Variants in ADCY6 observed in about 807,000 individuals in gnomAD.
ADCY6 encodes the protein adenylate cyclase 6.
In ADCY6, 59 loss-of-function variants were observed where a neutral mutation model predicts 111.6. That is an observed-to-expected ratio of 0.53 (90% CI 0.43 to 0.66). The LOEUF is 0.66. Ranked by LOEUF, ADCY6 falls within the 30% of genes least tolerant of loss-of-function variation. The pLI is 0.00. For synonymous variants in ADCY6, 576 were observed against 642.9 expected, an observed-to-expected ratio of 0.90 and a Z score of 1.57; for missense variants, 1,242 against 1,595.6, an observed-to-expected ratio of 0.78 and a Z score of 3.78.
chr12:48,774,395 C>T lies in ADCY6; in HGVS notation c.2283+7G>A. ...CAGAGGTGGGAGAATTCCCACTGGA[C>T]CCTTACCATGTTGGCAATGGCAGAA... On this transcript the variant is annotated splice_region_variant and intron_variant, in intron 14 of 21. Transcript: ENST00000357869. The T allele has an allele frequency of 6.2e-7, 1 of 1,608,488 alleles. No homozygotes were observed. Among genetic ancestry groups the T allele is most frequent in the Non-Finnish European group, 8.5e-7 (1 of 1,175,000 alleles).
At chr12:48,780,784 C>T (rs1047949159) in intron 2 of ADCY6, among the ~76,000 whole-genome samples, 1 of 152,228 alleles carries the variant, frequency 6.6e-6, no homozygotes, top group Non-Finnish European at 1.5e-5. Flanking sequence ...TGAGAGCCAC[C>T]CTGGAAGAGA....
At chr12:48,773,283 C>T (rs1286732177) in intron 16 of ADCY6, among the ~76,000 whole-genome samples, 186 bp downstream of exon 16, 2 of 151,882 alleles carry the variant, frequency 1.3e-5, no homozygotes, top group Non-Finnish European at 2.9e-5. Context: ...TTTCCCAGGA[C>T]TAGGGTTTCC....
At chr12:48,779,838 G>A (rs1941797800) in intron 2 of ADCY6, among the ~76,000 whole-genome samples, 1 of 152,186 alleles carries the variant, frequency 6.6e-6, no homozygotes, top group African/African-American at 2.4e-5. Context: ...GCAAAATTGG[G>A]CAGGTCACTT....
In ADCY6 at chr12:48,778,024, GA is replaced by G. The variant is rs1941749222; in HGVS notation, c.1014+83del. ...GGGAACCATCACACTGTGCTGCACG[GA>G]ACTGGACAAGGCAGCAGATCCAATG... is the stretch of plus-strand genomic sequence containing the variant. On this transcript the variant is annotated intron_variant, in intron 3 of 21. Transcript: ENST00000357869. The G allele has an allele frequency of 3.3e-6, 5 of 1,517,018 alleles. No homozygotes were observed. The East Asian group carries it at 9.7e-5, about 30-fold the overall frequency. 94.0% of individuals were successfully genotyped at this position (1,517,018 alleles called of 1,614,324 possible). A position where few individuals can be genotyped will look rare whatever the true frequency, so the allele number is the denominator to read the frequency against.
chr12:48,771,725 G>A lies in ADCY6; in HGVS notation c.3036C>T (p.Ile1012=), dbSNP rs1227728057. The change falls in exon 19 of 22, where the codon ATC becomes ATT. Residue 1012 remains isoleucine (I), a synonymous_variant. Transcript: ENST00000357869. This position sits in a 1 kb window ranked among gnomAD's most constrained non-coding sequence, Gnocchi z 4.3. Reference sequence around the variant, plus strand: ...GGAAAAGTACCTCATCAAAGTCAGCGATGATCTCGTTGAGCAGCCGCAGGC... The same window carrying A: ...GGAAAAGTACCTCATCAAAGTCAGCAATGATCTCGTTGAGCAGCCGCAGGC... The part of the protein sequence containing the change: ...VECLRLLNEI[I]ADFDEIISEE... 2.5e-5 allele frequency: 40 copies of A among 1,613,962 alleles called. No homozygotes were observed. The highest frequency in any genetic ancestry group is 3.4e-5 in the Non-Finnish European group (40 of 1,180,046).
At position 48,777,415 on chromosome 12, in the gene ADCY6, C is replaced by A; in HGVS notation, c.1243G>T (p.Ala415Ser). 6.2e-7 allele frequency: 1 copy of A among 1,613,576 alleles called. No homozygotes were observed. Among genetic ancestry groups the A allele is most frequent in the South Asian group, 1.1e-5 (1 of 91,078 alleles). The change falls in exon 5 of 22, where the codon GCT (alanine) becomes TCT (serine). Residue 415 changes from alanine to serine, a missense_variant. This residue lies in a region of ADCY6 where 260 missense variants were observed against 414.6 expected (regional missense o/e 0.63). Transcript: ENST00000357869. This position sits in a 1 kb window ranked among gnomAD's most constrained non-coding sequence, Gnocchi z 4.9. ...CCAAGGCCCAGCACCCTCACCGCAG[C>A]CAGCTTGTCAAACCGGGCAAAGAGC... is the stretch of plus-strand genomic sequence containing the variant. ...NELFARFDKL[A>S]AENHCLRIKI...
intron 12 of ADCY6, 44 bp from the exon 13 acceptor site, chr12:48,774,822 T>A (rs377431968): frequency 3.8e-6 from 6 of 1,588,586 alleles, no homozygotes; most frequent in Non-Finnish European, 4.3e-6. Context: ...TTCTGGAAGA[T>A]CTGGGCATTC....
In ADCY6 at chr12:48,777,770, C is replaced by A. The variant is rs549643743; in HGVS notation, c.1015-34G>T. On this transcript the variant is annotated intron_variant, in intron 3 of 21. Transcript: ENST00000357869. The surrounding 1 kb of genome is among the most constrained non-coding windows in gnomAD (Gnocchi z 4.9). ...GTGGTTCCAATAGGGCATCACTATA[C>A]TCTTGGTCTCACATTGCAATCCCTC... 8 of 1,611,380 alleles carry A rather than the reference C, an allele frequency of 5.0e-6. No individual in the cohort carries two copies. The highest frequency in any genetic ancestry group is 3.3e-4 in the Middle Eastern group (2 of 6,056).
At chr12:48,779,327 G>A (rs1441280560) in intron 2 of ADCY6, among the ~76,000 whole-genome samples, 1 of 152,154 alleles carries the variant, frequency 6.6e-6, no homozygotes, top group Non-Finnish European at 1.5e-5. Flanking sequence ...TTGAACCCAG[G>A]ACAATCAGAT....
chr12:48,777,832 C>A lies in ADCY6; in HGVS notation c.1015-96G>T. On this transcript the variant is annotated intron_variant, in intron 3 of 21. Coordinates refer to ENST00000357869, the MANE Select transcript of ADCY6 (RefSeq NM_015270.5). This position sits in a 1 kb window ranked among gnomAD's most constrained non-coding sequence, Gnocchi z 4.9. The stretch of plus-strand genomic sequence containing the variant: ...ACATCGCCAGAGCCCTCCTAGACTT[C>A]TCTGAAGACCTGACCTTCCCTTCTG... 1 of 1,536,468 alleles carries A rather than the reference C, an allele frequency of 6.5e-7. No individual in the cohort carries two copies.
intron 1 of ADCY6, among the ~76,000 whole-genome samples, chr12:48,784,759 G>C (rs555524038): frequency 7.3e-6 from 1 of 136,226 alleles, no homozygotes; most frequent in Non-Finnish European, 1.5e-5. Flanking sequence ...TGCAAGCTCC[G>C]CCTCCCGGGT....
intron 20 of ADCY6, among the ~76,000 whole-genome samples, chr12:48,769,537 T>C (rs1263204383): frequency 1.3e-5 from 2 of 151,674 alleles, no homozygotes; most frequent in Non-Finnish European, 2.9e-5. Flanking sequence ...TGAATGCCTA[T>C]TCCATGTCAA....
chr12:48,782,529 C>A lies in ADCY6; in HGVS notation c.864+42G>T. ...CCACCTGCTTATGAGGTGAGAAATT[C>A]CCCACCTGCTGCCCTCCATCCCTAC... On this transcript the variant is annotated intron_variant, in intron 2 of 21. Coordinates refer to ENST00000357869, the MANE Select transcript of ADCY6 (RefSeq NM_015270.5). This position sits in a 1 kb window ranked among gnomAD's most constrained non-coding sequence, Gnocchi z 4.3. 6.4e-7 allele frequency: 1 copy of A among 1,568,370 alleles called. No individual in the cohort carries two copies. Among genetic ancestry groups the A allele is most frequent in the South Asian group, 1.2e-5 (1 of 81,684 alleles).
intron 1 of ADCY6, among the ~76,000 whole-genome samples, chr12:48,785,642 A>C (rs911137036): frequency 1.3e-5 from 2 of 152,070 alleles, no homozygotes; most frequent in African/African-American, 4.8e-5. Context: ...AATAATAATA[A>C]ATGTTCATTG....
chr12:48,778,257 G>A lies in ADCY6; in HGVS notation c.865C>T (p.Leu289Phe), dbSNP rs1363548943. 1 of 1,614,096 alleles carries A rather than the reference G, an allele frequency of 6.2e-7. No individual in the cohort carries two copies. Among genetic ancestry groups the A allele is most frequent in the South Asian group, 1.1e-5 (1 of 91,084 alleles). The change falls in exon 3 of 22, where the codon CTC becomes TTC. Residue 289 changes from leucine to phenylalanine, a missense_variant and splice_region_variant. This residue lies in a region of ADCY6 where 260 missense variants were observed against 414.6 expected (regional missense o/e 0.63). Transcript: ENST00000357869. ...AGGAACAGCAGCACATTGGCACCGA[G>A]CTGCAGGAGGTGGCAGAGGCAGACA... Reference protein sequence around the residue: ...NRGDAFLWKQLGANVLLFLCT... With the variant: ...NRGDAFLWKQFGANVLLFLCT...
Position 48,768,688 on chromosome 12 carries a change from G to A in ADCY6, c.3410C>T (p.Ala1137Val). The A allele has an allele frequency of 6.2e-7, 1 of 1,614,194 alleles. No homozygotes were observed. Among genetic ancestry groups the A allele is most frequent in the Non-Finnish European group, 8.5e-7 (1 of 1,180,022 alleles). The change falls in exon 22 of 22, where the codon GCT (alanine) becomes GTT (valine). Residue 1137 changes from alanine (A) to valine (V), a missense_variant. This residue lies in a region of ADCY6 where 245 missense variants were observed against 371.3 expected (regional missense o/e 0.66). Transcript: ENST00000357869. ...ACACTCCAGCTGGTAGCCCTTGGCA[G>A]CTAGAACCTGGTACAGGTCCGTGGT... ...QVTTDLYQVL[A>V]AKGYQLECRG... is the part of the protein sequence containing the mutation.
At position 48,782,836 on chromosome 12, in the gene ADCY6, C is replaced by A. The variant is rs770715651; in HGVS notation, c.599G>T (p.Arg200Leu). 1 of 1,613,964 alleles carries A rather than the reference C, an allele frequency of 6.2e-7. No individual in the cohort carries two copies. The highest frequency in any genetic ancestry group is 2.2e-5 in the East Asian group (1 of 44,900). The part of the protein sequence containing the change: ...LFVGLMVVCN[R>L]HSFRQDSMWV... ...CATGGAGTCCTGGCGGAAGCTATGC[C>A]GGTTACACACCACCATGAGCCCCAC... Residue 200 changes from arginine (R) to leucine (L), a missense_variant, in exon 2 of 22, where the codon CGG becomes CTG. Around this residue, in one of 4 missense-constraint regions of ADCY6, gnomAD observed 362 missense variants for 377.2 expected, o/e 0.96. Coordinates refer to ENST00000357869, the MANE Select transcript of ADCY6 (RefSeq NM_015270.5). The surrounding 1 kb of genome is among the most constrained non-coding windows in gnomAD (Gnocchi z 4.3).
In ADCY6 at chr12:48,771,643, C is replaced by T. The variant is rs775595042; in HGVS notation, c.3051+67G>A. The T allele has an allele frequency of 1.9e-6, 3 of 1,603,316 alleles. No individual in the cohort carries two copies. Among genetic ancestry groups the T allele is most frequent in the Non-Finnish European group, 1.7e-6 (2 of 1,175,832 alleles). ...CTCTCTCTCTTCCCAGTTCCACTCA[C>T]CCATTCCAATCCCTGGTCTCCAAGT... On this transcript the variant is annotated intron_variant, in intron 19 of 21. Transcript: ENST00000357869. The surrounding 1 kb of genome is among the most constrained non-coding windows in gnomAD (Gnocchi z 4.3).
At position 48,777,576 on chromosome 12, in the gene ADCY6, C is replaced by T; in HGVS notation, c.1136+39G>A. 3 of 1,612,690 alleles carry T rather than the reference C, an allele frequency of 1.9e-6. No individual in the cohort carries two copies. The highest frequency in any genetic ancestry group is 2.5e-6 in the Non-Finnish European group (3 of 1,179,804). On this transcript the variant is annotated intron_variant, in intron 4 of 21. Transcript: ENST00000357869. This position sits in a 1 kb window ranked among gnomAD's most constrained non-coding sequence, Gnocchi z 4.9. ...CACATAGCCCTCAAAGACTTCCAGA[C>T]CCCCCGCCCTGCTGGGCATCCTCCT...
Sources: allele counts gnomAD v4.1 joint callset (sites outside exome capture counted in the v4.1 genomes callset), GRCh38; gene constraint gnomAD v4.1.1; regional missense constraint gnomAD v4.1.1; non-coding constraint Gnocchi (gnomAD v3.1); transcripts MANE v1.5; gene names NCBI Gene and HGNC (gene_info 2026-07-23, HGNC 2026-07-21).